The following EPC2 variants were observed in gnomAD, a reference collection of about 807,000 sequenced individuals.
The protein encoded by EPC2 is enhancer of polycomb 2.
In EPC2, 14 loss-of-function variants were observed where a neutral mutation model predicts 92.1. That is an observed-to-expected ratio of 0.15 (90% CI 0.10 to 0.24). The LOEUF is 0.24. Among genes scored for constraint, EPC2 ranks in the 10% least tolerant of loss-of-function variants. The pLI is 1.00. For synonymous variants in EPC2, 340 were observed against 334.7 expected, an observed-to-expected ratio of 1.02 and a Z score of -0.17; for missense variants, 755 against 971.5, an observed-to-expected ratio of 0.78 and a Z score of 2.96.
chr2:148,737,608 C>T lies in EPC2; in HGVS notation c.314-6014C>T, dbSNP rs577664569. Among the ~76,000 whole-genome samples, 6 of 152,070 alleles carry T rather than the reference C, an allele frequency of 3.9e-5. No individual in the cohort carries two copies. The South Asian group carries it at 8.3e-4, about 21-fold the overall frequency. ...AGAGTCCACAGGCTCTCTGAAGCAA[C>T]GTTTGTAGGTCAAACCTTCAGTCTG... On this transcript the variant is annotated intron_variant, in intron 2 of 13. Transcript: ENST00000258484.
chr2:148,771,197 A>G lies in EPC2; in HGVS notation c.1530A>G (p.Arg510=), dbSNP rs200771222. 11 of 1,613,994 alleles carry G rather than the reference A, an allele frequency of 6.8e-6. No individual in the cohort carries two copies. The Admixed American group carries it at 8.3e-5, about 12-fold the overall frequency. ...CTTCCAGTAAACATTGTGAAAATAGACTGTCTCTTTCTGAAATATTAAGCA... is the reference window on the plus strand; with the variant it reads ...CTTCCAGTAAACATTGTGAAAATAGGCTGTCTCTTTCTGAAATATTAAGCA... ...TNASSKHCEN[R]LSLSEILSNI... The change falls in exon 10 of 14, where the codon AGA becomes AGG. Residue 510 remains arginine, a synonymous_variant. Transcript: ENST00000258484.
chr2:148,759,293 A>G (rs1418939412), intron 4 of EPC2, among the ~76,000 whole-genome samples: 2 of 152,138 alleles, frequency 1.3e-5, no homozygotes, highest in African/African-American at 4.8e-5. Context: ...GGGTTTTACC[A>G]TGTTGGCCAG....
chr2:148,670,480 A>G (rs1007865436), intron 1 of EPC2, among the ~76,000 whole-genome samples: 13 of 152,084 alleles, frequency 8.5e-5, no homozygotes, highest in African/African-American at 2.4e-4. Context: ...AAACATTTCT[A>G]TCAGCCCCAA....
chr2:148,676,963 TTTAG>T (rs1681279399), intron 1 of EPC2, among the ~76,000 whole-genome samples: 1 of 151,676 alleles, frequency 6.6e-6, no homozygotes, highest in South Asian at 2.1e-4. Flanking sequence ...TGTGCTTGAG[TTTAG>T]TTATTTTTAA....
chr2:148,781,275 C>T (rs1683742076), intron 10 of EPC2, among the ~76,000 whole-genome samples: 1 of 152,128 alleles, frequency 6.6e-6, no homozygotes, highest in African/African-American at 2.4e-5. Flanking sequence ...ATAACTTAGT[C>T]ATCATTATTA....
In EPC2 at chr2:148,667,203, T is replaced by C. The variant is rs118076834; in HGVS notation, c.153+22033T>C. Among the ~76,000 whole-genome samples the C allele has an allele frequency of 6.5e-4, 99 of 152,326 alleles. No individual in the cohort carries two copies. The East Asian group carries it at 0.016, about 25-fold the overall frequency. ...TTGAGAAGCCTGTCTTGCTGTTCCG[T>C]AGATGAATGAAGACTTTGCCAATCA... is the stretch of plus-strand genomic sequence containing the variant. On this transcript the variant is annotated intron_variant, in intron 1 of 13. Transcript: ENST00000258484.
chr2:148,660,573 GT>G (rs946123889), intron 1 of EPC2, among the ~76,000 whole-genome samples: 161 of 143,520 alleles, frequency 1.1e-3, no homozygotes, highest in East Asian at 9.6e-3. Flanking sequence ...ATCAGTCAGA[GT>G]TTTTTTTTTT....
chr2:148,742,761 A>G (rs1001208085), intron 2 of EPC2, among the ~76,000 whole-genome samples: 13 of 149,700 alleles, frequency 8.7e-5, no homozygotes, highest in African/African-American at 3.2e-4. Flanking sequence ...AGCCTGGGCA[A>G]CAGACAAAAT....
chr2:148,762,999 G>A (rs1217541170), intron 6 of EPC2, among the ~76,000 whole-genome samples, 197 bp downstream of exon 6: 1 of 152,116 alleles, frequency 6.6e-6, no homozygotes, highest in African/African-American at 2.4e-5. Flanking sequence ...AACCCTTAGA[G>A]ATAGTTGTTG....
intron 4 of EPC2, among the ~76,000 whole-genome samples, chr2:148,758,596 A>G (rs893086076): frequency 2.6e-5 from 4 of 152,056 alleles, no homozygotes; most frequent in South Asian, 2.1e-4. Flanking sequence ...GGGTTTCACT[A>G]TGTTGGCCAG....
At chr2:148,759,485 A>G (rs766961445) in intron 4 of EPC2, among the ~76,000 whole-genome samples, 3 of 152,254 alleles carry the variant, frequency 2.0e-5, no homozygotes, top group Non-Finnish European at 4.4e-5. Flanking sequence ...TAGTGGGACA[A>G]TTGTTGAAAT....
intron 1 of EPC2, among the ~76,000 whole-genome samples, chr2:148,665,043 A>T (rs576983762): frequency 6.6e-6 from 1 of 152,320 alleles, no homozygotes; most frequent in Non-Finnish European, 1.5e-5. Context: ...ATACTTTGAG[A>T]CATTTATCTA....
rs1313019909 is a variant in EPC2, at chr2:148,757,562, G to C, written c.666+3429G>C. On this transcript the variant is annotated intron_variant, in intron 4 of 13. Coordinates refer to ENST00000258484, the MANE Select transcript of EPC2 (RefSeq NM_015630.4). ...ATTTTAAATACTGTTTTTTGGCTGG[G>C]CATGGAGCCTCAGGCCTGTAATACC... Among the ~76,000 whole-genome samples, 3 of 152,072 alleles carry C rather than the reference G, an allele frequency of 2.0e-5. No individual in the cohort carries two copies. In the East Asian group the frequency reaches 5.8e-4, roughly 29 times the overall value.
At chr2:148,777,773 G>A (rs1300224738) in intron 10 of EPC2, among the ~76,000 whole-genome samples, 1 of 152,248 alleles carries the variant, frequency 6.6e-6, no homozygotes, top group East Asian at 1.9e-4. Flanking sequence ...TGCTTTCCAA[G>A]GATGGTGACA....
At position 148,690,105 on chromosome 2, in the gene EPC2, T is replaced by C. The variant is rs1051326739; in HGVS notation, c.154-109T>C. ...TCTTTGGCAAAGGAACTATTTATAA[T>C]TGATTCTTAAAGCACTTTGTGATTA... On this transcript the variant is annotated intron_variant, in intron 1 of 13. Transcript: ENST00000258484. The C allele has an allele frequency of 9.3e-6, 10 of 1,079,084 alleles. No homozygotes were observed. In the African/African-American group the frequency reaches 1.6e-4, roughly 17 times the overall value. The allele number at this position is 1,079,084 out of a possible 1,614,324, so 66.8% of individuals were successfully genotyped here. A position where few individuals can be genotyped will look rare whatever the true frequency, so the allele number is the denominator to read the frequency against.
At chr2:148,687,793 C>A (rs945915977) in intron 1 of EPC2, among the ~76,000 whole-genome samples, 1 of 152,058 alleles carries the variant, frequency 6.6e-6, no homozygotes, top group Non-Finnish European at 1.5e-5. Context: ...TTTTCTTTCC[C>A]GTTTGTTTTT....
intron 2 of EPC2, among the ~76,000 whole-genome samples, chr2:148,720,546 T>G (rs1682350243): frequency 6.6e-6 from 1 of 152,210 alleles, no homozygotes; most frequent in Non-Finnish European, 1.5e-5. Flanking sequence ...GTAAAGCTCT[T>G]GGGTCTCTGT....
chr2:148,711,818 C>G (rs1278181717), intron 2 of EPC2, among the ~76,000 whole-genome samples: 5 of 152,134 alleles, frequency 3.3e-5, no homozygotes, highest in Non-Finnish European at 4.4e-5. Flanking sequence ...AGAATTGACT[C>G]TTATTATGTA....
At chr2:148,722,567 C>CTGCGG (rs1215976873) in intron 2 of EPC2, among the ~76,000 whole-genome samples, 1 of 152,228 alleles carries the variant, frequency 6.6e-6, no homozygotes, top group African/African-American at 2.4e-5. Context: ...TGCTCATGCA[C>CTGCGG]TGCGGGTAGG....
Sources: gnomAD v4.1 joint callset for allele counts (sites outside exome capture counted in the v4.1 genomes callset) on GRCh38, gnomAD v4.1.1 for gene constraint, MANE v1.5 for transcripts, NCBI Gene and HGNC (gene_info 2026-07-23, HGNC 2026-07-21) for gene names.